BBS9: variants seen among roughly 807,000 people sequenced by gnomAD.
The protein encoded by BBS9 is Bardet-Biedl syndrome 9.
Under a neutral mutation model 117.7 loss-of-function variants are expected in BBS9, and 89 were observed. The ratio of observed to expected loss-of-function variants is 0.76; its 90% CI spans 0.64 to 0.90. The LOEUF (loss-of-function observed/expected upper bound fraction) is 0.90, where lower values mean the gene tolerates loss of function less well. BBS9 is among the 40% of genes least tolerant of loss of function. The probability of loss-of-function intolerance (pLI) is 0.00; values close to 1 mark genes in which losing one functional copy is unlikely to be tolerated. For missense variants in BBS9, 982 were observed against 1,042.2 expected (o/e 0.94, Z 0.80); for synonymous variants, 379 against 370.9 (o/e 1.02, Z -0.25).
At chr7:33,195,961 A>C (rs967429780) in intron 5 of BBS9, among the ~76,000 whole-genome samples, 1 of 152,170 alleles carries the variant, frequency 6.6e-6, no homozygotes, top group African/African-American at 2.4e-5. Context: ...TAAAAGGTTC[A>C]GTATGTTTGG....
chr7:33,587,040 A>G (rs564910806), intron 21 of BBS9, among the ~76,000 whole-genome samples: 2 of 152,194 alleles, frequency 1.3e-5, no homozygotes, highest in East Asian at 1.9e-4. Context: ...CCCCGATTCT[A>G]AAATAAAAAT....
downstream of BBS9, among the ~76,000 whole-genome samples, chr7:33,607,539 T>G (rs1864645589): frequency 6.6e-6 from 1 of 152,126 alleles, no homozygotes. Context: ...AAGCTGATAA[T>G]CACCATATAT....
rs538414920 is a variant in BBS9, at chr7:33,604,373, G to A, written c.2522-492G>A. Among the ~76,000 whole-genome samples the A allele has an allele frequency of 5.9e-5, 9 of 152,216 alleles. No individual in the cohort carries two copies. The East Asian group carries it at 1.7e-3, about 29-fold the overall frequency. On this transcript the variant is annotated intron_variant, in intron 21 of 22. Coordinates refer to ENST00000242067, the MANE Select transcript of BBS9 (RefSeq NM_198428.3). ...GTTTGTGTCTGTGCTGTAAGGTGTT[G>A]GGATTCAGGAATAGAATCAAATTCC... is the stretch of plus-strand genomic sequence containing the variant.
intron 1 of BBS9, among the ~76,000 whole-genome samples, chr7:33,141,160 C>T (rs1298901104): frequency 2.0e-5 from 3 of 152,040 alleles, no homozygotes; most frequent in Admixed American, 1.3e-4. Flanking sequence ...TGGTGGTTCA[C>T]GCCTATAATT....
At chr7:33,266,924 T>C (rs1390128439) in intron 7 of BBS9, among the ~76,000 whole-genome samples, 9 of 152,116 alleles carry the variant, frequency 5.9e-5, no homozygotes, top group African/African-American at 2.2e-4. Context: ...TTTGTATTTT[T>C]AGTACAGATG....
intron 17 of BBS9, among the ~76,000 whole-genome samples, chr7:33,374,431 T>C (rs1823427447): frequency 6.6e-6 from 1 of 151,986 alleles, no homozygotes; most frequent in Admixed American, 6.5e-5. Context: ...GTTTAACTTA[T>C]ACAGTGATTC....
intron 20 of BBS9, among the ~76,000 whole-genome samples, chr7:33,516,000 T>G (rs1044261931): frequency 2.0e-5 from 3 of 152,218 alleles, no homozygotes; most frequent in African/African-American, 7.2e-5. Flanking sequence ...AAATGGTAAT[T>G]AATTCATTGA....
At chr7:33,279,719 G>A (rs112386499) in intron 9 of BBS9, among the ~76,000 whole-genome samples, 4,300 of 151,908 alleles carry the variant, frequency 0.028, 152 homozygotes, top group African/African-American at 0.077. Flanking sequence ...TTCCTTTTCA[G>A]ATTAAATCTC....
intron 2 of BBS9, among the ~76,000 whole-genome samples, chr7:33,152,071 T>C (rs931211948): frequency 4.6e-5 from 7 of 152,166 alleles, no homozygotes; most frequent in African/African-American, 1.7e-4. Context: ...TAAAGGACAC[T>C]AATTGAGTTT....
intron 19 of BBS9, among the ~76,000 whole-genome samples, chr7:33,464,370 A>G (rs1184459452): frequency 6.6e-6 from 1 of 152,068 alleles, no homozygotes; most frequent in Non-Finnish European, 1.5e-5. Flanking sequence ...TCTCTTCTGT[A>G]AAATAGGAGT....
At chr7:33,470,286 A>G (rs1840803825) in intron 19 of BBS9, among the ~76,000 whole-genome samples, 2 of 59,640 alleles carry the variant, frequency 3.4e-5, no homozygotes, top group Middle Eastern at 8.2e-3. Flanking sequence ...GAACACCAGC[A>G]TTCTTTTTTT....
intron 5 of BBS9, among the ~76,000 whole-genome samples, chr7:33,183,125 C>A (rs1401561942): frequency 6.6e-6 from 1 of 152,120 alleles, no homozygotes; most frequent in East Asian, 1.9e-4. Context: ...ATTTCTAATA[C>A]CCCCAAAAGT....
intron 21 of BBS9, among the ~76,000 whole-genome samples, chr7:33,571,131 T>C (rs893655612): frequency 1.3e-5 from 2 of 152,166 alleles, no homozygotes; most frequent in African/African-American, 4.8e-5. Flanking sequence ...ATATGGAAAC[T>C]CATTGTACTA....
intron 17 of BBS9, among the ~76,000 whole-genome samples, chr7:33,375,368 A>G (rs554635322): frequency 1.3e-5 from 2 of 152,140 alleles, no homozygotes; most frequent in Non-Finnish European, 2.9e-5. Flanking sequence ...TTATAAATAG[A>G]AAAATTCATT....
rs562471452 is a variant in BBS9 at position 33,604,764 on chromosome 7, T to TA, written c.2522-100dup. On this transcript the variant is annotated intron_variant, in intron 21 of 22. Coordinates refer to ENST00000242067, the MANE Select transcript of BBS9 (RefSeq NM_198428.3). ...TCCTGAAGATTGTTGTCACGTCATT[T>TA]ATTATCTTTATGATCAGTGTGTTCC... is the stretch of plus-strand genomic sequence containing the variant. The TA allele has an allele frequency of 3.8e-4, 316 of 830,370 alleles. 2 individuals are homozygous for TA. The African/African-American group carries it at 4.6e-3, about 12-fold the overall frequency. 51.4% of individuals were successfully genotyped at this position (830,370 alleles called of 1,614,324 possible).
intron 5 of BBS9, among the ~76,000 whole-genome samples, chr7:33,231,733 C>A: frequency 6.6e-6 from 1 of 152,020 alleles, no homozygotes; most frequent in African/African-American, 2.4e-5. Flanking sequence ...ACAGGAATGA[C>A]TTTTTGAATT....
At chr7:33,588,976 TG>T (rs1462861446) in intron 21 of BBS9, among the ~76,000 whole-genome samples, 8 of 152,102 alleles carry the variant, frequency 5.3e-5, no homozygotes, top group African/African-American at 1.9e-4. Context: ...CTGGGTGAAA[TG>T]GGGAAAGCCA....
At chr7:33,548,484 C>T (rs1368580643) in intron 21 of BBS9, among the ~76,000 whole-genome samples, 2 of 146,094 alleles carry the variant, frequency 1.4e-5, no homozygotes, top group Non-Finnish European at 3.0e-5. Flanking sequence ...TCTCCCAATG[C>T]TATCCCTCCC....
intron 21 of BBS9, among the ~76,000 whole-genome samples, chr7:33,590,891 G>A (rs1861805915): frequency 6.6e-6 from 1 of 151,944 alleles, no homozygotes; most frequent in African/African-American, 2.4e-5. Context: ...ATGGAGCTGG[G>A]ATTAAAATTC....
Sources: gnomAD v4.1 joint callset for allele counts (sites outside exome capture counted in the v4.1 genomes callset) on GRCh38, gnomAD v4.1.1 for gene constraint, MANE v1.5 for transcripts, NCBI Gene and HGNC (gene_info 2026-07-23, HGNC 2026-07-21) for gene names.